The following VWF variants were observed in gnomAD, a reference collection of about 807,000 sequenced individuals.
VWF encodes the protein von Willebrand factor.
Under a neutral mutation model 308.6 loss-of-function variants are expected in VWF, and 176 were observed. The observed-to-expected ratio is 0.57, with a 90% confidence interval of 0.50 to 0.65. The LOEUF (loss-of-function observed/expected upper bound fraction) is 0.65. Among genes scored for constraint, VWF ranks in the 30% least tolerant of loss-of-function variants. The pLI, the probability that VWF is intolerant of heterozygous loss-of-function variation, is 0.00. For synonymous variants in VWF, 1,385 were observed against 1,443.4 expected, an observed-to-expected ratio of 0.96 and a Z score of 0.92; for missense variants, 3,146 against 3,648.2, an observed-to-expected ratio of 0.86 and a Z score of 3.55.
chr12:6,050,373 T>A (rs1944495491), intron 16 of VWF, among the ~76,000 whole-genome samples: 1 of 152,164 alleles, frequency 6.6e-6, no homozygotes, highest in South Asian at 2.1e-4. Context: ...ACGTCAACAT[T>A]TTCCTGCAGA....
At chr12:6,068,001 G>A (rs1944736965) in intron 10 of VWF, among the ~76,000 whole-genome samples, 1 of 151,896 alleles carries the variant, frequency 6.6e-6, no homozygotes. Flanking sequence ...CGGGTGTGGT[G>A]GCAGGTGCCT....
intron 37 of VWF, 82 bp from the exon 38 acceptor site, chr12:5,992,100 C>A: frequency 7.3e-7 from 1 of 1,376,212 alleles, no homozygotes; most frequent in Non-Finnish European, 1.0e-6. Flanking sequence ...CATGGTTAAT[C>A]ATCAGACAAA....
intron 15 of VWF, among the ~76,000 whole-genome samples, chr12:6,055,761 TACACACACACACACAC>T (rs35414262): frequency 3.0e-5 from 4 of 135,246 alleles, no homozygotes; most frequent in African/African-American, 1.1e-4. Flanking sequence ...TATATATGTA[TACACACACACACACAC>T]ACACACACAC....
At chr12:6,080,103 C>CT (rs1944892866) in intron 6 of VWF, among the ~76,000 whole-genome samples, 2 of 152,180 alleles carry the variant, frequency 1.3e-5, no homozygotes, top group African/African-American at 2.4e-5. Flanking sequence ...CTGACAGGTC[C>CT]TTCTCCCCAC....
At chr12:6,098,646 G>T (rs1300899015) in intron 5 of VWF, among the ~76,000 whole-genome samples, 1 of 152,020 alleles carries the variant, frequency 6.6e-6, no homozygotes, top group Non-Finnish European at 1.5e-5. Context: ...AGGTGTGGTG[G>T]CAGGCACCTG....
intron 34 of VWF, among the ~76,000 whole-genome samples, chr12:6,004,918 C>T (rs112336257): frequency 6.6e-6 from 1 of 152,068 alleles, no homozygotes; most frequent in Non-Finnish European, 1.5e-5. Context: ...AGAAGACAGA[C>T]AAGTCAGCTT....
chr12:5,972,861 A>C (rs1943492456), intron 43 of VWF, among the ~76,000 whole-genome samples: 2 of 152,214 alleles, frequency 1.3e-5, no homozygotes, highest in Admixed American at 6.5e-5. Context: ...AAGAAAAAAA[A>C]CAAGGTCTCA....
intron 9 of VWF, 140 bp from the exon 10 acceptor site, chr12:6,071,483 T>A: frequency 1.1e-6 from 1 of 935,386 alleles, no homozygotes; most frequent in East Asian, 2.5e-5. Context: ...TAGCAGAATC[T>A]TCATAGGGTT....
intron 47 of VWF, among the ~76,000 whole-genome samples, chr12:5,961,370 C>T (rs1943313465): frequency 6.6e-6 from 1 of 152,086 alleles, no homozygotes; most frequent in Admixed American, 6.6e-5. Context: ...TGCTGTTGAA[C>T]ACACAACTAT....
chr12:6,010,122 T>A (rs890465425), intron 34 of VWF, among the ~76,000 whole-genome samples: 1 of 150,196 alleles, frequency 6.7e-6, no homozygotes, highest in Non-Finnish European at 1.5e-5. Context: ...GTAGATCTCA[T>A]GTGTTTCTTA....
rs756211916 is a variant in VWF at position 6,110,874 on chromosome 12, C to T, written c.315G>A (p.Gly105=). The T allele has an allele frequency of 4.0e-5, 64 of 1,613,880 alleles. No individual in the cohort carries two copies. Among genetic ancestry groups the T allele is most frequent in the Middle Eastern group, 3.3e-4 (2 of 6,084 alleles). The change falls in exon 4 of 52, where the codon GGG becomes GGA. Residue 105 remains glycine, a synonymous_variant. Coordinates refer to ENST00000261405, the MANE Select transcript of VWF (RefSeq NM_000552.5). ...HLFVNGTVTQ[G]DQRVSMPYAS... is the part of the protein sequence containing the mutation. ...AGACATTGTTGGCTTACCTTTGGTC[C>T]CCCTGTGTCACGGTACCATTGACAA... is the stretch of plus-strand genomic sequence containing the variant.
At chr12:6,067,563 G>T (rs1010755633) in intron 10 of VWF, among the ~76,000 whole-genome samples, 6 of 152,080 alleles carry the variant, frequency 3.9e-5, no homozygotes, top group African/African-American at 1.4e-4. Context: ...TTATCTCCTC[G>T]GTACAACTGA....
At chr12:6,026,090 C>T (rs1350947006) in intron 22 of VWF, 44 bp from the exon 23 acceptor site, 2 of 1,613,560 alleles carry the variant, frequency 1.2e-6, no homozygotes, top group Admixed American at 1.7e-5. Context: ...AGCCCAGGAG[C>T]ATGCTCTCCG....
intron 50 of VWF, among the ~76,000 whole-genome samples, 171 bp downstream of exon 50, chr12:5,951,673 C>G (rs190844704): frequency 3.4e-4 from 52 of 152,260 alleles, no homozygotes; most frequent in African/African-American, 1.2e-3. Context: ...CTGCTCCCTG[C>G]AAGACTGAAC....
At chr12:5,968,013 G>T in intron 46 of VWF, 114 bp downstream of exon 46, 1 of 1,434,858 alleles carries the variant, frequency 7.0e-7, no homozygotes, top group Non-Finnish European at 9.7e-7. Context: ...AGCTGGGGTT[G>T]GGTCTCTCTG....
chr12:6,031,502 C>T lies in VWF; in HGVS notation c.2762G>A (p.Cys921Tyr), dbSNP rs1159440161. The part of the protein sequence containing the change: ...NKGCSHPSVK[C>Y]KKRVTILVEG... ...CACCAGGATGGTGACCCGTTTCTTG[C>T]ATTTCACTGAGGGGTGGCTGCATCC... is the stretch of plus-strand genomic sequence containing the variant. The change falls in exon 21 of 52, where the codon TGC becomes TAC. Residue 921 changes from cysteine to tyrosine, a missense_variant. This residue lies in a region of VWF where 1,304 missense variants were observed against 1,353.0 expected (regional missense o/e 0.96). Transcript: ENST00000261405. 9 of 1,614,152 alleles carry T rather than the reference C, an allele frequency of 5.6e-6. No individual in the cohort carries two copies. Among genetic ancestry groups the T allele is most frequent in the Non-Finnish European group, 7.6e-6 (9 of 1,180,036 alleles).
chr12:6,071,179 G>T, intron 10 of VWF, 118 bp downstream of exon 10: 2 of 1,230,408 alleles, frequency 1.6e-6, no homozygotes, highest in African/African-American at 1.5e-5. Context: ...CAGCCAACCT[G>T]TGCAGAGAGG....
At chr12:5,977,839 G>T (rs1162667327) in intron 42 of VWF, among the ~76,000 whole-genome samples, 3 of 150,500 alleles carry the variant, frequency 2.0e-5, no homozygotes, top group Non-Finnish European at 3.0e-5. Flanking sequence ...AACTGCACTT[G>T]TGCCTGGGTG....
intron 38 of VWF, among the ~76,000 whole-genome samples, chr12:5,989,669 G>A (rs1024721239): frequency 1.3e-5 from 2 of 152,188 alleles, no homozygotes; most frequent in Admixed American, 6.5e-5. Flanking sequence ...GGCGGGCAGT[G>A]AAAGGGGAAA....
Sources: gnomAD v4.1 joint callset for allele counts (sites outside exome capture counted in the v4.1 genomes callset) on GRCh38, gnomAD v4.1.1 for gene constraint, gnomAD v4.1.1 regional missense constraint, MANE v1.5 for transcripts, NCBI Gene and HGNC (gene_info 2026-07-23, HGNC 2026-07-21) for gene names.